Variants in MAPK10 observed in about 807,000 individuals in gnomAD.
MAPK10 encodes the protein JNK3 alpha protein kinase.
In MAPK10, 25 loss-of-function variants were observed where a neutral mutation model predicts 59.3. The observed-to-expected ratio is 0.42, with a 90% CI of 0.31 to 0.59. The LOEUF is 0.59. Ranked by LOEUF, MAPK10 falls within the 20% of genes least tolerant of loss-of-function variation. The pLI is 0.15. For missense variants in MAPK10, 351 were observed against 568.9 expected (o/e 0.62, Z 3.90); for synonymous variants, 190 against 200.5 (o/e 0.95, Z 0.44).
chr4:86,267,014 G>C (rs921439905), intron 2 of MAPK10, among the ~76,000 whole-genome samples: 3 of 152,038 alleles, frequency 2.0e-5, no homozygotes, highest in African/African-American at 7.2e-5. Flanking sequence ...TATTTCAGGA[G>C]CCAAGCTGTA....
intron 1 of MAPK10, among the ~76,000 whole-genome samples, chr4:86,485,638 G>A (rs2149072784): frequency 6.6e-6 from 1 of 152,308 alleles, no homozygotes; most frequent in Non-Finnish European, 1.5e-5. Flanking sequence ...GAATGAGAAA[G>A]CTGGAAAGAC....
intron 11 of MAPK10, chr4:86,031,705 G>C (rs947906660): frequency 4.1e-5 from 15 of 364,434 alleles, no homozygotes; most frequent in African/African-American, 4.2e-5. Flanking sequence ...TTCTGATTTA[G>C]AACCCACGCC....
chr4:86,206,468 C>T (rs1202721884), intron 2 of MAPK10, among the ~76,000 whole-genome samples: 1 of 151,916 alleles, frequency 6.6e-6, no homozygotes, highest in Non-Finnish European at 1.5e-5. Context: ...GGGTTGGTTC[C>T]AAGTCTTTGC....
chr4:86,191,245 T>G (rs2079678364), intron 3 of MAPK10, among the ~76,000 whole-genome samples: 1 of 152,170 alleles, frequency 6.6e-6, no homozygotes, highest in Non-Finnish European at 1.5e-5. Context: ...GAAAGTTCTG[T>G]AGATGTCTAT....
At chr4:86,323,046 G>A (rs1487117477) in intron 2 of MAPK10, among the ~76,000 whole-genome samples, 2 of 152,158 alleles carry the variant, frequency 1.3e-5, no homozygotes, top group Non-Finnish European at 2.9e-5. Flanking sequence ...GTGGTGGCAT[G>A]CGCCTATAGT....
intron 1 of MAPK10, among the ~76,000 whole-genome samples, chr4:86,517,518 G>A (rs1456800593): frequency 4.6e-5 from 7 of 151,956 alleles, no homozygotes; most frequent in Non-Finnish European, 1.0e-4. Flanking sequence ...CTCGTGATCT[G>A]CCCTTCTCGG....
intron 1 of MAPK10, among the ~76,000 whole-genome samples, chr4:86,495,263 G>A (rs903111142): frequency 2.0e-5 from 3 of 152,026 alleles, no homozygotes; most frequent in Admixed American, 6.6e-5. Flanking sequence ...CCAATTTATT[G>A]GTATTTTAAA....
intron 2 of MAPK10, among the ~76,000 whole-genome samples, chr4:86,307,745 G>T (rs2095596300): frequency 6.6e-6 from 1 of 152,166 alleles, no homozygotes; most frequent in Non-Finnish European, 1.5e-5. Context: ...ATAGGGAATA[G>T]TAGAGTGGTG....
intron 1 of MAPK10, among the ~76,000 whole-genome samples, chr4:86,550,075 A>T (rs547439835): frequency 1.3e-5 from 2 of 152,242 alleles, no homozygotes; most frequent in East Asian, 3.9e-4. Flanking sequence ...TTCAAAGACA[A>T]GAAACTTCTC....
At chr4:86,427,779 G>A (rs964934497) in intron 1 of MAPK10, among the ~76,000 whole-genome samples, 1 of 152,086 alleles carries the variant, frequency 6.6e-6, no homozygotes, top group Admixed American at 6.5e-5. Flanking sequence ...GTTCTTTAGT[G>A]AGTGACCTAA....
chr4:86,534,904 TCAAAAA>T (rs1344172309), intron 1 of MAPK10, among the ~76,000 whole-genome samples: 2 of 151,930 alleles, frequency 1.3e-5, no homozygotes, highest in African/African-American at 2.4e-5. Flanking sequence ...AGACTCTGTC[TCAAAAA>T]CAAAAACAAA....
intron 2 of MAPK10, among the ~76,000 whole-genome samples, chr4:86,234,110 C>G (rs144254813): frequency 1.3e-5 from 2 of 152,220 alleles, no homozygotes; most frequent in Admixed American, 1.3e-4. Context: ...GACTCAAATA[C>G]AGATTTCAGA....
chr4:86,237,284 C>T (rs1231886974), intron 2 of MAPK10, among the ~76,000 whole-genome samples: 4 of 151,984 alleles, frequency 2.6e-5, no homozygotes, highest in African/African-American at 7.3e-5. Flanking sequence ...GTTCTGTGTC[C>T]GTGCTATTGT....
intron 1 of MAPK10, among the ~76,000 whole-genome samples, chr4:86,381,541 A>G (rs1264480038): frequency 2.0e-5 from 3 of 152,132 alleles, no homozygotes; most frequent in Admixed American, 6.6e-5. Context: ...CAGCCAATGG[A>G]AGGCACTGCA....
intron 11 of MAPK10, among the ~76,000 whole-genome samples, chr4:86,043,236 G>A (rs1371038687): frequency 6.6e-6 from 1 of 152,128 alleles, no homozygotes; most frequent in Non-Finnish European, 1.5e-5. Context: ...AAATTTCTGA[G>A]ATGCACAATT....
chr4:86,472,852 A>T (rs1050124191), intron 1 of MAPK10, among the ~76,000 whole-genome samples: 1 of 152,222 alleles, frequency 6.6e-6, no homozygotes, highest in African/African-American at 2.4e-5. Flanking sequence ...ACTCTACTTC[A>T]TCCTCTTCAT....
At chr4:86,593,576 A>G (rs1763266709) in intron 1 of MAPK10, among the ~76,000 whole-genome samples, 1 of 152,202 alleles carries the variant, frequency 6.6e-6, no homozygotes, top group South Asian at 2.1e-4. Flanking sequence ...TTAAATTTTC[A>G]AACTTCGGGA....
chr4:86,185,386 G>A (rs1273663305), intron 3 of MAPK10, among the ~76,000 whole-genome samples: 4 of 152,198 alleles, frequency 2.6e-5, no homozygotes. Context: ...GATGGTTAAG[G>A]AGTGGCCCAA....
At chr4:86,353,203 A>C (rs564562124) in intron 2 of MAPK10, among the ~76,000 whole-genome samples, 1 of 152,118 alleles carries the variant, frequency 6.6e-6, no homozygotes, top group Non-Finnish European at 1.5e-5. Context: ...AGCACTTTGT[A>C]AGTGCCACAC....
Sources: allele counts gnomAD v4.1 joint callset (sites outside exome capture counted in the v4.1 genomes callset), GRCh38; gene constraint gnomAD v4.1.1; transcripts MANE v1.5; gene names NCBI Gene and HGNC (gene_info 2026-07-23, HGNC 2026-07-21).